The following CHODL variants were observed in gnomAD, a reference collection of about 807,000 sequenced individuals.
CHODL encodes transmembrane protein MT75.
In CHODL, 29 loss-of-function variants were observed where a neutral mutation model predicts 34.5. The ratio of observed to expected loss-of-function variants is 0.84; its 90% CI spans 0.63 to 1.15. The LOEUF is 1.15. Among genes scored for constraint, CHODL ranks in the 50% most tolerant of loss-of-function variants. CHODL has a pLI of 0.00. For missense variants in CHODL, 332 were observed against 332.5 expected (o/e 1.00, Z 0.01); for synonymous variants, 125 against 116.1 (o/e 1.08, Z -0.49).
intron 2 of CHODL, among the ~76,000 whole-genome samples, chr21:18,149,448 T>A (rs936326014): frequency 6.6e-6 from 1 of 152,122 alleles, no homozygotes; most frequent in African/African-American, 2.4e-5. Flanking sequence ...TACAAGAAAT[T>A]TGGGGGGGTT....
chr21:18,207,750 A>C lies in CHODL; in HGVS notation c.-44-48759A>C, dbSNP rs1479919631. On this transcript the variant is annotated intron_variant, in intron 2 of 6. Transcript: ENST00000400127. ...CATGGGATATAGTATTATAGGATAA[A>C]ATTTTTTTCCTCTAATACTTTAAAT... Among the ~76,000 whole-genome samples, 4 of 149,344 alleles carry C rather than the reference A, an allele frequency of 2.7e-5. No individual in the cohort carries two copies. The East Asian group carries it at 7.8e-4, about 29-fold the overall frequency.
At chr21:18,095,598 C>A (rs565459164) in intron 2 of CHODL, among the ~76,000 whole-genome samples, 1 of 152,296 alleles carries the variant, frequency 6.6e-6, no homozygotes, top group East Asian at 1.9e-4. Flanking sequence ...TAATACCAGT[C>A]CTACTCAAAC....
intron 1 of CHODL, among the ~76,000 whole-genome samples, chr21:17,927,768 T>C (rs1450387112): frequency 1.3e-5 from 2 of 152,208 alleles, no homozygotes; most frequent in African/African-American, 2.4e-5. Context: ...TGATGGACCA[T>C]AGAGTTGGAG....
At position 17,999,829 on chromosome 21, in the gene CHODL, A is replaced by T. The variant is rs144402352; in HGVS notation, c.-144-28043A>T. Among the ~76,000 whole-genome samples, 840 of 152,346 alleles carry T rather than the reference A, an allele frequency of 5.5e-3. 8 individuals carry two copies. The highest frequency in any genetic ancestry group is 0.013 in the African/African-American group (554 of 41,590). On this transcript the variant is annotated intron_variant, in intron 1 of 6. Coordinates refer to the CHODL transcript ENST00000400127. ...CAAACCACATCACCTTCCTTCAGCC[A>T]GAAAATCTCTCATCTGCAGTTTCTT... is the stretch of plus-strand genomic sequence containing the variant.
At chr21:18,077,064 C>T (rs1384539210) in intron 2 of CHODL, among the ~76,000 whole-genome samples, 1 of 152,194 alleles carries the variant, frequency 6.6e-6, no homozygotes, top group Non-Finnish European at 1.5e-5. Context: ...AGACTCCTGG[C>T]TCAGTGAGTC....
chr21:18,108,090 A>G (rs1258882880), intron 2 of CHODL, among the ~76,000 whole-genome samples: 2 of 151,824 alleles, frequency 1.3e-5, no homozygotes, highest in African/African-American at 4.8e-5. Context: ...GGGATTGTAC[A>G]CAATCTTGTT....
chr21:18,052,664 T>G (rs1416606168), intron 2 of CHODL, among the ~76,000 whole-genome samples: 1 of 151,920 alleles, frequency 6.6e-6, no homozygotes, highest in Non-Finnish European at 1.5e-5. Context: ...CTCAAACATA[T>G]TGGCATCTTT....
intron 2 of CHODL, among the ~76,000 whole-genome samples, chr21:18,149,869 C>G (rs965278496): frequency 6.6e-6 from 1 of 152,124 alleles, no homozygotes; most frequent in Non-Finnish European, 1.5e-5. Flanking sequence ...GTACTGTCAA[C>G]AAAAAGAGTC....
At chr21:17,923,733 T>C (rs2063201883) in intron 1 of CHODL, among the ~76,000 whole-genome samples, 1 of 152,110 alleles carries the variant, frequency 6.6e-6, no homozygotes, top group South Asian at 2.1e-4. Context: ...AGTACTGGGA[T>C]TACAGGCCTG....
intron 1 of CHODL, among the ~76,000 whole-genome samples, chr21:17,951,694 T>G (rs1380392767): frequency 6.6e-6 from 1 of 152,170 alleles, no homozygotes; most frequent in Non-Finnish European, 1.5e-5. Flanking sequence ...AAAATATACT[T>G]AAAATTAAAA....
At chr21:18,086,067 T>TTC (rs869062629) in intron 2 of CHODL, among the ~76,000 whole-genome samples, 1 of 104,630 alleles carries the variant, frequency 9.6e-6, no homozygotes, top group African/African-American at 4.2e-5. Context: ...TTTTTTTTTT[T>TTC]GCCTGCTTGG....
intron 1 of CHODL, among the ~76,000 whole-genome samples, chr21:17,967,249 A>G (rs907011296): frequency 3.3e-5 from 5 of 152,176 alleles, no homozygotes; most frequent in South Asian, 2.1e-4. Context: ...TATTTCTCTG[A>G]TTATTGAGGT....
At chr21:18,161,178 T>C (rs1249080767) in intron 2 of CHODL, among the ~76,000 whole-genome samples, 1 of 152,132 alleles carries the variant, frequency 6.6e-6, no homozygotes, top group Non-Finnish European at 1.5e-5. Context: ...GGGTAGTTTG[T>C]GGGATTTTTT....
chr21:18,107,678 C>G (rs2065290291), intron 2 of CHODL, among the ~76,000 whole-genome samples: 1 of 152,330 alleles, frequency 6.6e-6, no homozygotes, highest in East Asian at 1.9e-4. Context: ...TTTCCTCCCA[C>G]TGGGTAGAAC....
At chr21:18,265,880 C>G (rs1156812955) in intron 5 of CHODL, 74 bp from the exon 6 acceptor site, 1 of 1,182,380 alleles carries the variant, frequency 8.5e-7, no homozygotes, top group Non-Finnish European at 1.2e-6. Context: ...TCTGAGATAT[C>G]TCCCTTTGGA....
chr21:18,081,359 G>T (rs1025628716), intron 2 of CHODL, among the ~76,000 whole-genome samples: 1 of 152,092 alleles, frequency 6.6e-6, no homozygotes, highest in African/African-American at 2.4e-5. Flanking sequence ...ACTCCAGTGA[G>T]AACTTACAGT....
chr21:17,979,851 G>A (rs974704138), intron 1 of CHODL, among the ~76,000 whole-genome samples: 4 of 152,168 alleles, frequency 2.6e-5, no homozygotes, highest in Non-Finnish European at 5.9e-5. Context: ...GTTTCCTAAG[G>A]TCTTTACATC....
At chr21:18,026,048 C>T (rs560931059) in intron 1 of CHODL, among the ~76,000 whole-genome samples, 1 of 152,104 alleles carries the variant, frequency 6.6e-6, no homozygotes, top group African/African-American at 2.4e-5. Context: ...TTTCCAGCCA[C>T]TGTAATATAG....
At chr21:18,255,560 A>G (rs1184578576) in intron 1 of CHODL, among the ~76,000 whole-genome samples, 3 of 152,026 alleles carry the variant, frequency 2.0e-5, no homozygotes, top group Non-Finnish European at 4.4e-5. Context: ...AGTTTGGCCA[A>G]ATTTCAGCCT....
Sources: allele counts gnomAD v4.1 joint callset (sites outside exome capture counted in the v4.1 genomes callset), GRCh38; gene constraint gnomAD v4.1.1; transcripts MANE v1.5; gene names NCBI Gene and HGNC (gene_info 2026-07-23, HGNC 2026-07-21).